LRP4: variants seen among roughly 807,000 people sequenced by gnomAD.
LRP4 encodes the protein LDL receptor related protein 4.
A neutral mutation model predicts 220.3 loss-of-function variants in LRP4; 95 were observed. The ratio of observed to expected loss-of-function variants is 0.43; its 90% CI spans 0.37 to 0.51. The LOEUF is 0.51. Ranked by LOEUF, LRP4 falls within the 20% of genes least tolerant of loss-of-function variation. The probability of loss-of-function intolerance (pLI) is 0.00; values close to 1 mark genes in which losing one functional copy is unlikely to be tolerated. For synonymous variants in LRP4, 903 were observed against 954.6 expected (o/e 0.95, Z 1.00); for missense variants, 1,925 against 2,567.0 (o/e 0.75, Z 5.40).
At position 46,858,920 on chromosome 11, in the gene LRP4, G is replaced by T; in HGVS notation, c.*63C>A. ...GAAGCGGGGCCTGCGGTGTAAGCGA[G>T]CACAAGGACTAGACGTCCATAAAGG... On this transcript the variant is annotated 3_prime_UTR_variant, in exon 38 of 38. Transcript: ENST00000378623. 6.8e-7 allele frequency: 1 copy of T among 1,481,416 alleles called. No homozygotes were observed. The allele number at this position is 1,481,416 out of a possible 1,614,324, so 91.8% of individuals were successfully genotyped here.
chr11:46,876,143 G>A (rs1941009176), intron 25 of LRP4, among the ~76,000 whole-genome samples, 177 bp from the exon 26 acceptor site: 1 of 152,092 alleles, frequency 6.6e-6, no homozygotes, highest in African/African-American at 2.4e-5. Context: ...CTTCATAAGG[G>A]CCACAAGGTA....
In LRP4 at chr11:46,879,232, C is replaced by T; in HGVS notation, c.2898G>A (p.Lys966=). The change falls in exon 21 of 38, where the codon AAG becomes AAA. Residue 966 remains lysine (K), a synonymous_variant. Coordinates refer to ENST00000378623, the MANE Select transcript of LRP4 (RefSeq NM_002334.4). ...ERIYWTDWQT[K]SIQSADRLTG... ...TCAGCCGGTCAGCGCTCTGTATGCT[C>T]TTGGTCTGCCAGTCAGTCCAATAGA... is the stretch of plus-strand genomic sequence containing the variant. 1 of 1,614,242 alleles carries T rather than the reference C, an allele frequency of 6.2e-7. No homozygotes were observed. The highest frequency in any genetic ancestry group is 8.5e-7 in the Non-Finnish European group (1 of 1,180,042).
Position 46,895,808 on chromosome 11 carries a change from C to T in LRP4, c.1183+76G>A, listed in dbSNP as rs566230177. On this transcript the variant is annotated intron_variant, in intron 10 of 37. Coordinates refer to ENST00000378623, the MANE Select transcript of LRP4 (RefSeq NM_002334.4). ...AGGTCACACCGTTCAAATGCCTGAC[C>T]CATAGGAAACACAGCTGCCTGTCTG... 74 of 1,591,458 alleles carry T rather than the reference C, an allele frequency of 4.6e-5. 2 individuals carry two copies. In the South Asian group the frequency reaches 7.5e-4, roughly 16 times the overall value.
chr11:46,900,433 C>T (rs1941644043), intron 2 of LRP4, 55 bp from the exon 3 acceptor site: 3 of 1,078,998 alleles, frequency 2.8e-6, no homozygotes, highest in Non-Finnish European at 4.3e-6. Flanking sequence ...CTTACTCAGG[C>T]TCAACTAGGC....
rs768263882 is a variant in LRP4, at chr11:46,899,986, C to A, written c.317-10G>T. On this transcript the variant is annotated splice_polypyrimidine_tract_variant and intron_variant, in intron 3 of 37. Coordinates refer to ENST00000378623, the MANE Select transcript of LRP4 (RefSeq NM_002334.4). The surrounding 1 kb of genome is among the most constrained non-coding windows in gnomAD (Gnocchi z 5.9). ...TCACACTCCCGGGGGGCTGTGGGCA[C>A]AGAGCAGTCAGGCTGCTGCAGGCAG... 1 of 1,599,706 alleles carries A rather than the reference C, an allele frequency of 6.3e-7. No individual in the cohort carries two copies. The highest frequency in any genetic ancestry group is 1.3e-5 in the African/African-American group (1 of 74,662).
At chr11:46,877,528 C>T (rs1396831911) in intron 22 of LRP4, among the ~76,000 whole-genome samples, 189 bp from the exon 23 acceptor site, 2 of 152,122 alleles carry the variant, frequency 1.3e-5, no homozygotes, top group African/African-American at 4.8e-5. Context: ...AGTGCACTGG[C>T]ATGATCATGG....
intron 13 of LRP4, among the ~76,000 whole-genome samples, chr11:46,892,243 T>C (rs1941439265): frequency 6.6e-6 from 1 of 152,226 alleles, no homozygotes; most frequent in Admixed American, 6.6e-5. Flanking sequence ...CCTCTATTAA[T>C]TTTTAGGCTA....
rs192976030 is a variant in LRP4 at position 46,895,100 on chromosome 11, C to G, written c.1309+66G>C. ...TACCTCTCTGCAAATCCCTGAGCAC[C>G]AGAGTACCTGGCCTTCCTCCATGCT... On this transcript the variant is annotated intron_variant, in intron 11 of 37. Coordinates refer to ENST00000378623, the MANE Select transcript of LRP4 (RefSeq NM_002334.4). 2 of 1,605,382 alleles carry G rather than the reference C, an allele frequency of 1.2e-6. 1 individual carries two copies. The highest frequency in any genetic ancestry group is 4.5e-5 in the East Asian group (2 of 44,880).
rs1168058061 is a variant in LRP4, at chr11:46,896,260, C to A, written c.998G>T (p.Gly333Val). The A allele has an allele frequency of 2.5e-6, 4 of 1,614,210 alleles. No individual in the cohort carries two copies. Among genetic ancestry groups the A allele is most frequent in the Non-Finnish European group, 3.4e-6 (4 of 1,180,048 alleles). Residue 333 changes from glycine to valine, a missense_variant, in exon 9 of 38, where the codon GGG becomes GTG. Gly to Val is a moderately radical substitution (Grantham distance 109, BLOSUM62 -3). Around this residue, in one of 3 missense-constraint regions of LRP4, gnomAD observed 412 missense variants for 505.4 expected, o/e 0.82. Transcript: ENST00000378623. ...GCTGTTGTCACCACAGTCGTTGACC[C>A]CGTTGCACAGCTTCCTCTGCCCAAT... Reference protein sequence around the residue: ...RCIGQRKLCNGVNDCGDNSDE... With the variant: ...RCIGQRKLCNVVNDCGDNSDE...
At chr11:46,869,865 T>C (rs1940812516) in intron 31 of LRP4, among the ~76,000 whole-genome samples, 1 of 152,144 alleles carries the variant, frequency 6.6e-6, no homozygotes, top group Non-Finnish European at 1.5e-5. Context: ...TCCCAGCACT[T>C]TGGGAGGCCA....
intron 16 of LRP4, 29 bp downstream of exon 16, chr11:46,889,382 A>G: frequency 6.2e-7 from 1 of 1,613,178 alleles, no homozygotes; most frequent in South Asian, 1.1e-5. Flanking sequence ...AACAGCCTCC[A>G]TGGAGGCTGG....
At chr11:46,886,264 G>A in intron 17 of LRP4, 61 bp downstream of exon 17, 1 of 1,601,018 alleles carries the variant, frequency 6.2e-7, no homozygotes, top group Non-Finnish European at 8.6e-7. Flanking sequence ...GCAAAGGTAT[G>A]GGAAGCCCTT....
chr11:46,918,192 T>A lies in LRP4; in HGVS notation c.52+136A>T, dbSNP rs1174613998. 2 of 954,916 alleles carry A rather than the reference T, an allele frequency of 2.1e-6. No individual in the cohort carries two copies. Among genetic ancestry groups the A allele is most frequent in the Non-Finnish European group, 3.0e-6 (2 of 658,686 alleles). 59.2% of individuals were successfully genotyped at this position (954,916 alleles called of 1,614,324 possible). On this transcript the variant is annotated intron_variant, in intron 1 of 37. Transcript: ENST00000378623. This position sits in a 1 kb window ranked among gnomAD's most constrained non-coding sequence, Gnocchi z 6.0. ...CGGGGCCGCTCCGGGTCCTCTCCCCTGCACGCAGCCCCAGGGCCACGGCTA... is the reference window on the plus strand; with the variant it reads ...CGGGGCCGCTCCGGGTCCTCTCCCCAGCACGCAGCCCCAGGGCCACGGCTA...
At chr11:46,902,124 G>A (rs1344362207) in intron 2 of LRP4, among the ~76,000 whole-genome samples, 1 of 151,842 alleles carries the variant, frequency 6.6e-6, no homozygotes, top group Non-Finnish European at 1.5e-5. Context: ...TTGGGAGGCT[G>A]AGGTGGCTGG....
Position 46,875,407 on chromosome 11 carries a change from C to T in LRP4, c.3925+49G>A. On this transcript the variant is annotated intron_variant, in intron 27 of 37. Coordinates refer to ENST00000378623, the MANE Select transcript of LRP4 (RefSeq NM_002334.4). The surrounding 1 kb of genome is among the most constrained non-coding windows in gnomAD (Gnocchi z 4.5). Reference sequence around the variant, plus strand: ...ATATATCTCTGATGTTGAGATGGCCCCAGAAAGCCAGAGGCTCTGACTCAC... The same window carrying T: ...ATATATCTCTGATGTTGAGATGGCCTCAGAAAGCCAGAGGCTCTGACTCAC... The T allele has an allele frequency of 6.6e-7, 1 of 1,517,940 alleles. No individual in the cohort carries two copies. Among genetic ancestry groups the T allele is most frequent in the East Asian group, 2.3e-5 (1 of 44,412 alleles). 94.0% of individuals were successfully genotyped at this position (1,517,940 alleles called of 1,614,324 possible).
intron 2 of LRP4, among the ~76,000 whole-genome samples, chr11:46,901,605 G>A (rs1466171207): frequency 6.6e-6 from 1 of 152,158 alleles, no homozygotes; most frequent in Non-Finnish European, 1.5e-5. Flanking sequence ...GCTACAGGTA[G>A]GTCAGAGATT....
intron 19 of LRP4, among the ~76,000 whole-genome samples, chr11:46,883,229 G>GC (rs1309886853): frequency 2.0e-5 from 3 of 152,246 alleles, no homozygotes; most frequent in East Asian, 1.9e-4. Flanking sequence ...TTGGGAACAA[G>GC]CCCCCCAAAA....
rs754071028 is a variant in LRP4, at chr11:46,858,476, A to G, written c.*507T>C. On this transcript the variant is annotated 3_prime_UTR_variant, in exon 38 of 38. Transcript: ENST00000378623. ...GGCTGGAGGTTTCCCAGATGCCCATACCTGCTGGGCTGATTCTTCCTTCTT... is the reference window on the plus strand; with the variant it reads ...GGCTGGAGGTTTCCCAGATGCCCATGCCTGCTGGGCTGATTCTTCCTTCTT... 1.0e-5 allele frequency: 2 copies of G among 196,346 alleles called. No homozygotes were observed. Among genetic ancestry groups the G allele is most frequent in the Non-Finnish European group, 2.1e-5 (2 of 93,436 alleles). 12.2% of individuals were successfully genotyped at this position (196,346 alleles called of 1,614,324 possible).
chr11:46,884,518 C>A (rs915490856), intron 18 of LRP4, among the ~76,000 whole-genome samples: 1 of 151,782 alleles, frequency 6.6e-6, no homozygotes, highest in Non-Finnish European at 1.5e-5. Flanking sequence ...GGGTGGATCA[C>A]GAGATTAGGA....
Sources: allele counts gnomAD v4.1 joint callset (sites outside exome capture counted in the v4.1 genomes callset), GRCh38; gene constraint gnomAD v4.1.1; regional missense constraint gnomAD v4.1.1; non-coding constraint Gnocchi (gnomAD v3.1); transcripts MANE v1.5; gene names NCBI Gene and HGNC (gene_info 2026-07-23, HGNC 2026-07-21).